TGFBR2: variants seen among roughly 807,000 people sequenced by gnomAD.
TGFBR2 encodes the protein TGF-beta receptor type-2.
TGFBR2 carries 18 observed loss-of-function variants against 49.0 expected under a neutral mutation model. That is an observed-to-expected ratio of 0.37 (90% CI 0.25 to 0.54). The LOEUF (loss-of-function observed/expected upper bound fraction) is 0.54. TGFBR2 is among the 20% of genes least tolerant of loss of function. TGFBR2 has a pLI of 0.85. For synonymous variants in TGFBR2, 282 were observed against 275.9 expected, an observed-to-expected ratio of 1.02 and a Z score of -0.22; for missense variants, 525 against 722.6, an observed-to-expected ratio of 0.73 and a Z score of 3.13.
chr3:30,647,052 A>G (rs1319982984), intron 2 of TGFBR2, among the ~76,000 whole-genome samples: 3 of 152,152 alleles, frequency 2.0e-5, no homozygotes, highest in Admixed American at 6.5e-5. Flanking sequence ...GAGAAGGGGA[A>G]GTATAGGGTA....
chr3:30,615,475 G>A (rs1182499970), intron 1 of TGFBR2, among the ~76,000 whole-genome samples: 1 of 152,154 alleles, frequency 6.6e-6, no homozygotes, highest in Non-Finnish European at 1.5e-5. Flanking sequence ...TTATGAAGCT[G>A]AAAGGAACTT....
intron 5 of TGFBR2, among the ~76,000 whole-genome samples, chr3:30,684,869 C>T (rs1699596784): frequency 6.6e-6 from 1 of 152,140 alleles, no homozygotes; most frequent in Non-Finnish European, 1.5e-5. Context: ...TGCCCAATGC[C>T]ATCTTCTCTC....
intron 3 of TGFBR2, among the ~76,000 whole-genome samples, chr3:30,663,541 G>T (rs1457695959): frequency 6.6e-6 from 1 of 152,176 alleles, no homozygotes; most frequent in Non-Finnish European, 1.5e-5. Context: ...CTGCAAAAAA[G>T]CAAGGTTTGC....
rs145718649 is a variant in TGFBR2, at chr3:30,660,150, C to G, written c.454+9690C>G. On this transcript the variant is annotated intron_variant, in intron 3 of 6. Transcript: ENST00000295754. Reference sequence around the variant, plus strand: ...TTGCTTATCTACTTTTAAAAATATACATATATATGCCTTTTGTTGCCTAAT... The same window carrying G: ...TTGCTTATCTACTTTTAAAAATATAGATATATATGCCTTTTGTTGCCTAAT... Among the ~76,000 whole-genome samples, 25 of 152,170 alleles carry G rather than the reference C, an allele frequency of 1.6e-4. No homozygotes were observed. The East Asian group carries it at 4.8e-3, about 29-fold the overall frequency.
rs2125452334 is a variant in TGFBR2 at position 30,688,519 on chromosome 3, G to A, written c.1524+8G>A. 6.2e-7 allele frequency: 1 copy of A among 1,614,180 alleles called. No homozygotes were observed. On this transcript the variant is annotated splice_region_variant and intron_variant, in intron 6 of 6. Transcript: ENST00000295754. ...TTCTGGCTCAACCACCAGGTAAGGA[G>A]TGAGTGTTTACAAAGGTCAGTAAGA...
At chr3:30,610,614 G>A (rs1047905997) in intron 1 of TGFBR2, among the ~76,000 whole-genome samples, 1 of 152,140 alleles carries the variant, frequency 6.6e-6, no homozygotes, top group South Asian at 2.1e-4. Context: ...CCATGTACTG[G>A]CTGTGTAGCC....
intron 5 of TGFBR2, among the ~76,000 whole-genome samples, chr3:30,686,327 C>G (rs1401514256): frequency 1.3e-5 from 2 of 152,168 alleles, no homozygotes; most frequent in African/African-American, 4.8e-5. Flanking sequence ...ATGCAAATCA[C>G]AATTCAGATC....
At chr3:30,667,467 TC>T (rs1427378837) in intron 3 of TGFBR2, among the ~76,000 whole-genome samples, 1 of 152,204 alleles carries the variant, frequency 6.6e-6, no homozygotes, top group African/African-American at 2.4e-5. Context: ...CTTTGAAGTT[TC>T]AAGATTGACA....
rs4016180 is a variant in TGFBR2, at chr3:30,691,909, T to TTATA, written c.*326_*329dup. On this transcript the variant is annotated 3_prime_UTR_variant, in exon 7 of 7. Coordinates refer to ENST00000295754, the MANE Select transcript of TGFBR2 (RefSeq NM_003242.6). ...GTATATAAATATGAATAGCTATGTTTTATATATATATATATATATCTATAT... is the reference window on the plus strand; with the variant it reads ...GTATATAAATATGAATAGCTATGTTTTATATATATATATATATATATATCTATAT... 440 of 247,424 alleles carry TTATA rather than the reference T, an allele frequency of 1.8e-3. 1 individual carries two copies. Among genetic ancestry groups the TTATA allele is most frequent in the African/African-American group, 8.0e-3 (351 of 43,938 alleles). 15.3% of individuals were successfully genotyped at this position (247,424 alleles called of 1,614,324 possible). A position where few individuals can be genotyped will look rare whatever the true frequency, so the allele number is the denominator to read the frequency against.
intron 1 of TGFBR2, among the ~76,000 whole-genome samples, chr3:30,628,047 G>A (rs927168282): frequency 1.3e-5 from 2 of 150,044 alleles, no homozygotes; most frequent in Admixed American, 6.6e-5. Flanking sequence ...TCTAATGTTT[G>A]TGGAAATACT....
In TGFBR2 at chr3:30,694,081, T is replaced by C. The variant is rs1206706562; in HGVS notation, c.*2482T>C. The stretch of plus-strand genomic sequence containing the variant: ...TTACATAAATAAAATGTTTATTAGA[T>C]TGAATAAAGCAAAATACTCAGGTGA... On this transcript the variant is annotated 3_prime_UTR_variant, in exon 7 of 7. Transcript: ENST00000295754. 1 of 230,068 alleles carries C rather than the reference T, an allele frequency of 4.3e-6. No individual in the cohort carries two copies. Among genetic ancestry groups the C allele is most frequent in the Non-Finnish European group, 8.6e-6 (1 of 115,888 alleles). 14.3% of individuals were successfully genotyped at this position (230,068 alleles called of 1,614,324 possible).
intron 3 of TGFBR2, among the ~76,000 whole-genome samples, chr3:30,650,961 C>T (rs1698873329): frequency 6.6e-6 from 1 of 152,048 alleles, no homozygotes; most frequent in African/African-American, 2.4e-5. Context: ...TACATAGTCC[C>T]AGGATTTGTC....
chr3:30,674,275 T>C, intron 5 of TGFBR2, 29 bp downstream of exon 5: 4 of 1,613,618 alleles, frequency 2.5e-6, no homozygotes, highest in Non-Finnish European at 3.4e-6. Flanking sequence ...CATTGTGTAG[T>C]GGTAAACTTG....
In TGFBR2 at chr3:30,672,299, G is replaced by A. The variant is rs753782498; in HGVS notation, c.1116G>A (p.Lys372=). The A allele has an allele frequency of 5.7e-5, 91 of 1,607,588 alleles. No individual in the cohort carries two copies. The highest frequency in any genetic ancestry group is 7.3e-5 in the Non-Finnish European group (86 of 1,176,084). Residue 372 remains lysine (K), a synonymous_variant, in exon 4 of 7, where the codon AAG becomes AAA. Coordinates refer to ENST00000295754, the MANE Select transcript of TGFBR2 (RefSeq NM_003242.6). The surrounding 1 kb of genome is among the most constrained non-coding windows in gnomAD (Gnocchi z 4.5). The part of the protein sequence containing the change: ...HSDHTPCGRP[K]MPIVHRDLKS... Reference sequence around the variant, plus strand: ...ATCACACTCCATGTGGGAGGCCCAAGATGCCCATCGTGCACAGGGACCTCA... The same window carrying A: ...ATCACACTCCATGTGGGAGGCCCAAAATGCCCATCGTGCACAGGGACCTCA...
At chr3:30,633,464 A>T (rs1698473371) in intron 1 of TGFBR2, among the ~76,000 whole-genome samples, 1 of 152,214 alleles carries the variant, frequency 6.6e-6, no homozygotes, top group East Asian at 1.9e-4. Context: ...TAGAGAGTTA[A>T]ATCATGACTT....
At chr3:30,683,956 G>A (rs1699577709) in intron 5 of TGFBR2, among the ~76,000 whole-genome samples, 1 of 152,186 alleles carries the variant, frequency 6.6e-6, no homozygotes, top group South Asian at 2.1e-4. Flanking sequence ...CAGGGTTCAG[G>A]CTATCTCTGG....
intron 1 of TGFBR2, among the ~76,000 whole-genome samples, chr3:30,637,423 C>T (rs369661936): frequency 6.6e-6 from 1 of 152,188 alleles, no homozygotes; most frequent in African/African-American, 2.4e-5. Flanking sequence ...ACACAGATAC[C>T]TTAAATGTGC....
At chr3:30,686,145 C>T (rs1313498391) in intron 5 of TGFBR2, among the ~76,000 whole-genome samples, 3 of 152,158 alleles carry the variant, frequency 2.0e-5, no homozygotes, top group African/African-American at 7.2e-5. Context: ...TTCTCTTTTG[C>T]TTGAATTCAA....
At chr3:30,611,102 G>A (rs1698020554) in intron 1 of TGFBR2, among the ~76,000 whole-genome samples, 1 of 152,192 alleles carries the variant, frequency 6.6e-6, no homozygotes, top group African/African-American at 2.4e-5. Flanking sequence ...CCAAGCCAAA[G>A]TCATATCTTT....
Sources: allele counts gnomAD v4.1 joint callset (sites outside exome capture counted in the v4.1 genomes callset), GRCh38; gene constraint gnomAD v4.1.1; non-coding constraint Gnocchi (gnomAD v3.1); transcripts MANE v1.5; gene names NCBI Gene and HGNC (gene_info 2026-07-23, HGNC 2026-07-21).